Variants in NEGR1 observed in about 807,000 individuals in gnomAD.
NEGR1 encodes the protein IgLON family member 4.
In NEGR1, 10 loss-of-function variants were observed where a neutral mutation model predicts 40.9. The ratio of observed to expected loss-of-function variants is 0.24; its 90% confidence interval spans 0.15 to 0.42. NEGR1 has a LOEUF of 0.42. Ranked by LOEUF, NEGR1 falls within the 10% of genes least tolerant of loss-of-function variation. NEGR1 has a pLI of 1.00. For synonymous variants in NEGR1, 185 were observed against 166.8 expected (o/e 1.11, Z -0.84); for missense variants, 352 against 438.9 (o/e 0.80, Z 1.77).
At chr1:71,626,685 T>C (rs1650793857) in intron 4 of NEGR1, among the ~76,000 whole-genome samples, 1 of 151,950 alleles carries the variant, frequency 6.6e-6, no homozygotes, top group African/African-American at 2.4e-5. Flanking sequence ...CAAAAGAAAC[T>C]ACCATCAGAG....
intron 1 of NEGR1, among the ~76,000 whole-genome samples, chr1:71,946,283 C>T (rs1170512762): frequency 6.6e-6 from 1 of 151,866 alleles, no homozygotes; most frequent in Non-Finnish European, 1.5e-5. Context: ...TTATGTTGCC[C>T]AGGGTGGTCT....
intron 1 of NEGR1, among the ~76,000 whole-genome samples, chr1:71,962,697 C>T (rs1330678532): frequency 6.6e-6 from 1 of 151,730 alleles, no homozygotes; most frequent in African/African-American, 2.4e-5. Context: ...AAAAATGTCT[C>T]ACGTTAACTT....
rs1470221377 is a variant in NEGR1, at chr1:71,767,793, AG to A, written c.535+8378del. ...CCAAGGAAGAATGATTTTGTGGGCC[AG>A]GCCCAGGGCCGAGCTGCCTTGTGCA... On this transcript the variant is annotated intron_variant, in intron 3 of 6. Transcript: ENST00000357731. Among the ~76,000 whole-genome samples, 6 of 152,206 alleles carry A rather than the reference AG, an allele frequency of 3.9e-5. No homozygotes were observed. In the East Asian group the frequency reaches 1.2e-3, roughly 29 times the overall value.
At chr1:71,913,446 C>G (rs745329115) in intron 2 of NEGR1, among the ~76,000 whole-genome samples, 2 of 152,098 alleles carry the variant, frequency 1.3e-5, no homozygotes, top group African/African-American at 2.4e-5. Context: ...TACATTTCTA[C>G]CCTTACTTAA....
intron 1 of NEGR1, among the ~76,000 whole-genome samples, chr1:72,144,285 T>A (rs954713785): frequency 6.6e-6 from 1 of 151,722 alleles, no homozygotes; most frequent in African/African-American, 2.4e-5. Flanking sequence ...AGGTTTGTAC[T>A]AGACTATGGG....
At chr1:72,029,643 A>C (rs1356646627) in intron 1 of NEGR1, among the ~76,000 whole-genome samples, 1 of 152,222 alleles carries the variant, frequency 6.6e-6, no homozygotes, top group East Asian at 1.9e-4. Context: ...TGAATTGAAG[A>C]ATTATTCGAA....
intron 2 of NEGR1, among the ~76,000 whole-genome samples, chr1:71,787,968 A>T (rs534310602): frequency 6.6e-6 from 1 of 152,298 alleles, no homozygotes; most frequent in Admixed American, 6.5e-5. Context: ...ACTAACCATG[A>T]TTAGATTTAC....
At chr1:72,194,997 A>G (rs985866994) in intron 1 of NEGR1, among the ~76,000 whole-genome samples, 1 of 152,064 alleles carries the variant, frequency 6.6e-6, no homozygotes, top group African/African-American at 2.4e-5. Context: ...TGAACATGAA[A>G]GAAGGCTTCT....
intron 1 of NEGR1, among the ~76,000 whole-genome samples, chr1:72,177,209 A>G (rs1280024490): frequency 6.6e-6 from 1 of 152,080 alleles, no homozygotes; most frequent in African/African-American, 2.4e-5. Flanking sequence ...CTGAGGCAAG[A>G]AGAAGGTATG....
At chr1:71,925,130 C>T (rs1388255935) in intron 2 of NEGR1, among the ~76,000 whole-genome samples, 1 of 152,132 alleles carries the variant, frequency 6.6e-6, no homozygotes, top group Non-Finnish European at 1.5e-5. Context: ...AAGAAGTTGA[C>T]TTGAGATCTT....
intron 2 of NEGR1, among the ~76,000 whole-genome samples, chr1:71,828,207 G>C (rs1299965891): frequency 1.3e-5 from 2 of 151,896 alleles, no homozygotes; most frequent in Non-Finnish European, 2.9e-5. Flanking sequence ...ATTCTGCAAT[G>C]AAGCTGTGGA....
intron 6 of NEGR1, among the ~76,000 whole-genome samples, chr1:71,471,147 T>C (rs1236179885): frequency 1.3e-5 from 2 of 152,168 alleles, no homozygotes; most frequent in Non-Finnish European, 2.9e-5. Context: ...TATTCCATTG[T>C]CTTTATTAAC....
chr1:72,227,666 G>C (rs1237254049), intron 1 of NEGR1, among the ~76,000 whole-genome samples: 1 of 151,992 alleles, frequency 6.6e-6, no homozygotes, highest in Non-Finnish European at 1.5e-5. Flanking sequence ...GTAAAGCAGG[G>C]TTTTTCCCTT....
At chr1:71,469,296 A>T (rs1646767049) in intron 6 of NEGR1, among the ~76,000 whole-genome samples, 1 of 152,064 alleles carries the variant, frequency 6.6e-6, no homozygotes, top group Admixed American at 6.6e-5. Context: ...CATTAAGATA[A>T]TTTGGTTGTT....
chr1:71,954,255 T>C (rs551141097), intron 1 of NEGR1, among the ~76,000 whole-genome samples: 41 of 151,998 alleles, frequency 2.7e-4, no homozygotes, highest in African/African-American at 9.4e-4. Flanking sequence ...TTTGATTCAA[T>C]AGAGTGTATG....
intron 3 of NEGR1, among the ~76,000 whole-genome samples, chr1:71,751,180 T>G (rs1655559648): frequency 6.6e-6 from 1 of 152,090 alleles, no homozygotes; most frequent in African/African-American, 2.4e-5. Context: ...GTAGTTTCAG[T>G]TTTTATCTCC....
At chr1:71,921,798 G>A (rs1191048211) in intron 2 of NEGR1, among the ~76,000 whole-genome samples, 2 of 149,262 alleles carry the variant, frequency 1.3e-5, no homozygotes, top group East Asian at 2.0e-4. Flanking sequence ...TGTGTTAATT[G>A]ACTATGTATG....
intron 1 of NEGR1, among the ~76,000 whole-genome samples, chr1:72,039,013 T>C (rs1245236103): frequency 1.3e-5 from 2 of 151,954 alleles, no homozygotes; most frequent in African/African-American, 4.8e-5. Flanking sequence ...ATGAGGGCAG[T>C]AGAAGCTGAC....
chr1:71,764,763 T>C (rs1213422970), intron 3 of NEGR1, among the ~76,000 whole-genome samples: 1 of 152,186 alleles, frequency 6.6e-6, no homozygotes, highest in East Asian at 1.9e-4. Context: ...TAATTCCACA[T>C]TGACTATTCT....
Sources: gnomAD v4.1 joint callset for allele counts (sites outside exome capture counted in the v4.1 genomes callset) on GRCh38, gnomAD v4.1.1 for gene constraint, MANE v1.5 for transcripts, NCBI Gene and HGNC (gene_info 2026-07-23, HGNC 2026-07-21) for gene names.